TNC: variants seen among roughly 807,000 people sequenced by gnomAD.
TNC encodes tenascin C.
TNC carries 109 observed loss-of-function variants against 202.4 expected under a neutral mutation model. The ratio of observed to expected loss-of-function variants is 0.54; its 90% CI spans 0.46 to 0.63. TNC has a LOEUF of 0.63. Ranked by LOEUF, TNC falls within the 30% of genes least tolerant of loss-of-function variation. The probability of loss-of-function intolerance (pLI) is 0.00; values close to 1 mark genes in which losing one functional copy is unlikely to be tolerated. For synonymous variants in TNC, 1,007 were observed against 1,089.7 expected (o/e 0.92, Z 1.50); for missense variants, 2,756 against 2,833.3 (o/e 0.97, Z 0.62).
intron 15 of TNC, chr9:115,052,633 A>G (rs1018751044): frequency 6.6e-6 from 4 of 603,394 alleles, no homozygotes; most frequent in Admixed American, 5.7e-5. Flanking sequence ...TAAAAATAAG[A>G]GAGTACACAT....
intron 14 of TNC, among the ~76,000 whole-genome samples, chr9:115,059,123 C>A: frequency 1.3e-5 from 2 of 151,716 alleles, no homozygotes; most frequent in South Asian, 4.2e-4. Context: ...TGTGTAATTT[C>A]TTTTTTTTTC....
At chr9:115,049,697 GA>G (rs1359151819) in intron 15 of TNC, among the ~76,000 whole-genome samples, 2 of 146,674 alleles carry the variant, frequency 1.4e-5, no homozygotes, top group African/African-American at 5.1e-5. Flanking sequence ...TTAATCAGAA[GA>G]AAAAAAGGAG....
At chr9:115,095,947 G>T (rs1415278776) in intron 1 of TNC, among the ~76,000 whole-genome samples, 2 of 151,938 alleles carry the variant, frequency 1.3e-5, no homozygotes, top group Admixed American at 1.3e-4. Flanking sequence ...GGCACAAAAC[G>T]CAGATTTTTG....
chr9:115,031,659 G>A lies in TNC; in HGVS notation c.5814C>T (p.Thr1938=), dbSNP rs2131685325. The part of the protein sequence containing the change: ...VKEVIVGPDT[T]SYSLADLSPS... ...GGCTCAGGTCTGCCAGGCTGTAGGAGGTGGTATCTGGACCCACAATGACTT... is the reference window on the plus strand; with the variant it reads ...GGCTCAGGTCTGCCAGGCTGTAGGAAGTGGTATCTGGACCCACAATGACTT... The change falls in exon 23 of 28, where the codon ACC becomes ACT. Residue 1938 remains threonine (T), a synonymous_variant. Transcript: ENST00000350763. 6.2e-7 allele frequency: 1 copy of A among 1,611,068 alleles called. No individual in the cohort carries two copies. The highest frequency in any genetic ancestry group is 1.3e-5 in the African/African-American group (1 of 74,870).
chr9:115,086,521 C>A lies in TNC; in HGVS notation c.1210G>T (p.Gly404Trp), dbSNP rs1834751719. Residue 404 changes from glycine to tryptophan, a missense_variant, in exon 3 of 28, where the codon GGG (glycine) becomes TGG (tryptophan). This residue lies in a region of TNC where 2,559 missense variants were observed against 2,546.0 expected (regional missense o/e 1.01). Coordinates refer to ENST00000350763, the MANE Select transcript of TNC (RefSeq NM_002160.4). The part of the protein sequence containing the change: ...CDDGFTGADC[G>W]ELKCPNGCSG... ...CAGCCATTGGGACACTTGAGCTCCC[C>A]ACAGTCAGCTCCAGTGAAACCATCA... 7 of 1,613,840 alleles carry A rather than the reference C, an allele frequency of 4.3e-6. No individual in the cohort carries two copies. Among genetic ancestry groups the A allele is most frequent in the Non-Finnish European group, 5.9e-6 (7 of 1,179,996 alleles).
At chr9:115,091,781 T>C (rs1489400103) in intron 1 of TNC, among the ~76,000 whole-genome samples, 2 of 152,338 alleles carry the variant, frequency 1.3e-5, no homozygotes, top group Non-Finnish European at 1.5e-5. Context: ...TTCTTACTAG[T>C]TATATGACTG....
chr9:115,074,905 T>C (rs1370049308), intron 9 of TNC, among the ~76,000 whole-genome samples: 1 of 152,224 alleles, frequency 6.6e-6, no homozygotes, highest in South Asian at 2.1e-4. Flanking sequence ...TCTACATTTA[T>C]GCAAGACGCT....
intron 12 of TNC, 96 bp downstream of exon 12, chr9:115,063,700 T>C: frequency 7.7e-7 from 1 of 1,306,198 alleles, no homozygotes; most frequent in South Asian, 1.4e-5. Flanking sequence ...CCCAATGTGG[T>C]AGGAGCTGAT....
intron 6 of TNC, among the ~76,000 whole-genome samples, chr9:115,079,212 TTTC>T (rs1047644014): frequency 3.9e-5 from 6 of 152,124 alleles, no homozygotes; most frequent in Admixed American, 2.0e-4. Context: ...TGAATCTTTC[TTTC>T]TTCTTCTTCT....
At chr9:115,057,522 G>A (rs1028450859) in intron 14 of TNC, 97 bp from the exon 15 acceptor site, 2 of 1,251,668 alleles carry the variant, frequency 1.6e-6, no homozygotes, top group Non-Finnish European at 2.2e-6. Context: ...ACCATTGCTG[G>A]GTAGAGAGAT....
At chr9:115,052,896 G>A (rs998676779) in intron 15 of TNC, 2 of 702,730 alleles carry the variant, frequency 2.8e-6, no homozygotes, top group Non-Finnish European at 5.2e-6. Context: ...TGCAGTGAGT[G>A]AGCGTCACTC....
At position 115,086,337 on chromosome 9, in the gene TNC, C is replaced by A; in HGVS notation, c.1394G>T (p.Cys465Phe). The change falls in exon 3 of 28, where the codon TGC (cysteine) becomes TTC (phenylalanine). Residue 465 changes from cysteine to phenylalanine, a missense_variant. Cys to Phe is a radical substitution (Grantham distance 205). Coordinates refer to ENST00000350763, the MANE Select transcript of TNC (RefSeq NM_002160.4). ...GTCATTAGGGCAGCTCATGTCACTG[C>A]AGTCATAGCCCTTGAAGCCTTGCTC... is the stretch of plus-strand genomic sequence containing the variant. ...VCEQGFKGYD[C>F]SDMSCPNDCH... 1 of 1,614,234 alleles carries A rather than the reference C, an allele frequency of 6.2e-7. No homozygotes were observed. The highest frequency in any genetic ancestry group is 8.5e-7 in the Non-Finnish European group (1 of 1,180,046).
At chr9:115,075,101 A>G (rs1207003575) in intron 9 of TNC, among the ~76,000 whole-genome samples, 1 of 152,144 alleles carries the variant, frequency 6.6e-6, no homozygotes, top group Non-Finnish European at 1.5e-5. Context: ...TTTACACACT[A>G]GCCTCCTTCT....
intron 25 of TNC, among the ~76,000 whole-genome samples, chr9:115,027,279 G>A (rs1004745262): frequency 2.0e-5 from 3 of 152,108 alleles, no homozygotes; most frequent in Non-Finnish European, 2.9e-5. Flanking sequence ...GGTGGTGAAA[G>A]TACTTTTTAA....
chr9:115,077,359 AT>A (rs1330176699), intron 7 of TNC, among the ~76,000 whole-genome samples: 1 of 151,782 alleles, frequency 6.6e-6, no homozygotes, highest in Non-Finnish European at 1.5e-5. Flanking sequence ...CCTGACCCCA[AT>A]TTTTGTACTT....
At chr9:115,083,272 G>A (rs1249639679) in intron 4 of TNC, among the ~76,000 whole-genome samples, 2 of 152,130 alleles carry the variant, frequency 1.3e-5, no homozygotes, top group Admixed American at 6.5e-5. Flanking sequence ...TGAATAAATG[G>A]CAGCCAATGT....
chr9:115,105,644 C>T (rs978330384), intron 1 of TNC, among the ~76,000 whole-genome samples: 1 of 152,130 alleles, frequency 6.6e-6, no homozygotes, highest in Non-Finnish European at 1.5e-5. Context: ...GCAGAAAAAT[C>T]TGAAAAATAG....
chr9:115,044,958 C>T (rs1287570693), intron 17 of TNC, among the ~76,000 whole-genome samples: 1 of 152,158 alleles, frequency 6.6e-6, no homozygotes, highest in Non-Finnish European at 1.5e-5. Context: ...AATGTCATGC[C>T]TATGCCTGTC....
intron 18 of TNC, 100 bp downstream of exon 18, chr9:115,042,119 T>C: frequency 6.8e-7 from 1 of 1,472,278 alleles, no homozygotes; most frequent in Non-Finnish European, 9.1e-7. Flanking sequence ...TCATTTTCTT[T>C]GATCATGATG....
Sources: gnomAD v4.1 joint callset for allele counts (sites outside exome capture counted in the v4.1 genomes callset) on GRCh38, gnomAD v4.1.1 for gene constraint, gnomAD v4.1.1 regional missense constraint, MANE v1.5 for transcripts, NCBI Gene and HGNC (gene_info 2026-07-23, HGNC 2026-07-21) for gene names.